Variants in ZNF141 observed in about 807,000 individuals in gnomAD.
The protein encoded by ZNF141 is zinc finger protein 141 (clone pHZ-44).
Under a neutral mutation model 11.3 loss-of-function variants are expected in ZNF141, and 7 were observed. That is an observed-to-expected ratio of 0.62 (90% CI 0.35 to 1.16). The LOEUF (loss-of-function observed/expected upper bound fraction) is 1.16. Among genes scored for constraint, ZNF141 ranks in the 50% most tolerant of loss-of-function variants. The pLI is 0.02. For missense variants in ZNF141, 535 were observed against 554.0 expected (o/e 0.97, Z 0.34); for synonymous variants, 183 against 190.7 (o/e 0.96, Z 0.33).
intron 3 of ZNF141, among the ~76,000 whole-genome samples, chr4:362,849 T>A (rs1327218643): frequency 1.3e-5 from 2 of 152,234 alleles, no homozygotes; most frequent in African/African-American, 4.8e-5. Context: ...TAGGATTGTC[T>A]TGGCAATGCA....
chr4:353,833 G>A (rs947715157), intron 3 of ZNF141, among the ~76,000 whole-genome samples: 3 of 152,098 alleles, frequency 2.0e-5, no homozygotes, highest in Admixed American at 2.0e-4. Flanking sequence ...CCTCCATAGG[G>A]GACTGAGGAC....
chr4:348,478 C>T (rs1219933499), intron 3 of ZNF141, among the ~76,000 whole-genome samples: 11 of 151,980 alleles, frequency 7.2e-5, no homozygotes, highest in South Asian at 2.1e-4. Context: ...CTTGGGAGGC[C>T]GAGGTGGGCG....
rs78894128 is a variant in ZNF141 at position 338,753 on chromosome 4, C to G, written c.3+767C>G. On this transcript the variant is annotated intron_variant, in intron 1 of 3. Transcript: ENST00000240499. The stretch of plus-strand genomic sequence containing the variant: ...GGGCAGCTGCGGGAAGAGCGCTGAG[C>G]TTGTGGGGTCTGTGCTGACTCCGGG... Among the ~76,000 whole-genome samples, 85 of 152,258 alleles carry G rather than the reference C, an allele frequency of 5.6e-4. No homozygotes were observed. In the East Asian group the frequency reaches 0.015, roughly 26 times the overall value.
chr4:377,570 G>A lies in ZNF141; in HGVS notation c.*3708G>A, dbSNP rs145800431. On this transcript the variant is annotated 3_prime_UTR_variant, in exon 4 of 4. Coordinates refer to ENST00000240499, the MANE Select transcript of ZNF141 (RefSeq NM_003441.4). ...TTTGTCACTGTTCTCTTCATTCCAC[G>A]TAATTTCACGTGGACTTTAGGTTAA... Among the ~76,000 whole-genome samples the A allele has an allele frequency of 0.013, 1,908 of 151,998 alleles. 13 individuals are homozygous for A. The highest frequency in any genetic ancestry group is 0.041 in the Middle Eastern group (12 of 294).
At chr4:366,668 ATATTT>A (rs142773716) in intron 3 of ZNF141, among the ~76,000 whole-genome samples, 26,765 of 151,790 alleles carry the variant, frequency 0.18, 2,912 homozygotes, top group Non-Finnish European at 0.23. Flanking sequence ...GCTGCTAGAC[ATATTT>A]TATTTTATTT....
chr4:357,798 C>G (rs1206239976), intron 3 of ZNF141, among the ~76,000 whole-genome samples: 1 of 151,520 alleles, frequency 6.6e-6, no homozygotes, highest in East Asian at 2.0e-4. Context: ...CTTGCGCCTC[C>G]CGGATTCAAG....
In ZNF141 at chr4:380,331, C is replaced by G. The variant is rs559811121; in HGVS notation, c.*6469C>G. Among the ~76,000 whole-genome samples the G allele has an allele frequency of 1.1e-3, 174 of 152,242 alleles. No homozygotes were observed. The highest frequency in any genetic ancestry group is 4.0e-3 in the African/African-American group (167 of 41,552). On this transcript the variant is annotated 3_prime_UTR_variant, in exon 4 of 4. Coordinates refer to ENST00000240499, the MANE Select transcript of ZNF141 (RefSeq NM_003441.4). ...AGTAATAGTTGATTTCTACCAAATG[C>G]TAACCATAATACTGTATATGTGTTA...
chr4:371,953 C>T (rs1216185189), intron 3 of ZNF141, among the ~76,000 whole-genome samples: 1 of 152,198 alleles, frequency 6.6e-6, no homozygotes, highest in African/African-American at 2.4e-5. Context: ...ACAATCTTTA[C>T]AATGTAGCTT....
In ZNF141 at chr4:373,450, C is replaced by A; in HGVS notation, c.1013C>A (p.Pro338His). 6.2e-7 allele frequency: 1 copy of A among 1,614,042 alleles called. No individual in the cohort carries two copies. The highest frequency in any genetic ancestry group is 8.5e-7 in the Non-Finnish European group (1 of 1,180,002). The change falls in exon 4 of 4, where the codon CCC (proline) becomes CAC (histidine). Residue 338 changes from proline to histidine, a missense_variant. Transcript: ENST00000240499. The part of the protein sequence containing the change: ...KHKRIHTGEK[P>H]YTCEECGKAF... ...AAGAGAATTCATACTGGAGAGAAACCCTACACATGTGAAGAATGTGGCAAA... is the reference window on the plus strand; with the variant it reads ...AAGAGAATTCATACTGGAGAGAAACACTACACATGTGAAGAATGTGGCAAA...
rs1712193730 is a variant in ZNF141 at position 373,541 on chromosome 4, A to T, written c.1104A>T (p.Lys368Asn). ...KKVHTGERPY[K>N]CDECGKAFGR... Reference sequence around the variant, plus strand: ...TTCATACTGGAGAGCGGCCCTACAAATGTGATGAATGTGGCAAAGCCTTTG... The same window carrying T: ...TTCATACTGGAGAGCGGCCCTACAATTGTGATGAATGTGGCAAAGCCTTTG... The change falls in exon 4 of 4, where the codon AAA becomes AAT. Residue 368 changes from lysine to asparagine, a missense_variant. Physicochemically the swap from Lys to Asn is moderately conservative, Grantham distance 94. Coordinates refer to ENST00000240499, the MANE Select transcript of ZNF141 (RefSeq NM_003441.4). 1 of 1,613,754 alleles carries T rather than the reference A, an allele frequency of 6.2e-7. No homozygotes were observed. The highest frequency in any genetic ancestry group is 1.1e-5 in the South Asian group (1 of 91,072).
At position 337,947 on chromosome 4, in the gene ZNF141, G is replaced by C. The variant is rs2108677361; in HGVS notation, c.-37G>C. 6 of 1,612,250 alleles carry C rather than the reference G, an allele frequency of 3.7e-6. No individual in the cohort carries two copies. Among genetic ancestry groups the C allele is most frequent in the Non-Finnish European group, 5.1e-6 (6 of 1,178,810 alleles). ...TGTGACCTGCGGGTATTGGATGATT[G>C]GTAGCTAAGACTCCCGAATACTTCA... On this transcript the variant is annotated 5_prime_UTR_variant, in exon 1 of 4. Transcript: ENST00000240499.
intron 3 of ZNF141, among the ~76,000 whole-genome samples, chr4:361,411 G>A (rs1253879308): frequency 2.7e-5 from 4 of 147,122 alleles, no homozygotes; most frequent in Non-Finnish European, 6.0e-5. Context: ...TTAAGTTCTA[G>A]GGTACATGTG....
chr4:344,390 C>T lies in ZNF141; in HGVS notation c.186C>T (p.Pro62=). The part of the protein sequence containing the change: ...LVTCLEQRKE[P]YNVKIHKIVA... ...CCTGTCTGGAGCAAAGAAAAGAGCC[C>T]TACAATGTGAAGATACATAAGATCG... The change falls in exon 3 of 4, where the codon CCC becomes CCT. Residue 62 remains proline (P), a synonymous_variant. Coordinates refer to ENST00000240499, the MANE Select transcript of ZNF141 (RefSeq NM_003441.4). The T allele has an allele frequency of 1.9e-6, 3 of 1,608,384 alleles. No individual in the cohort carries two copies. Among genetic ancestry groups the T allele is most frequent in the Non-Finnish European group, 2.6e-6 (3 of 1,176,012 alleles).
intron 3 of ZNF141, among the ~76,000 whole-genome samples, chr4:354,445 G>A (rs1434021732): frequency 1.3e-5 from 2 of 152,038 alleles, no homozygotes; most frequent in Non-Finnish European, 2.9e-5. Context: ...TCCTCACATT[G>A]GAAAATAAAG....
rs1304451112 is a variant in ZNF141 at position 377,341 on chromosome 4, T to C, written c.*3479T>C. On this transcript the variant is annotated 3_prime_UTR_variant, in exon 4 of 4. Transcript: ENST00000240499. Reference sequence around the variant, plus strand: ...TAGTTTGTAGCTCCAAGTAAGAGATTGAAAATAATCTGTGGCGAACAAATG... The same window carrying C: ...TAGTTTGTAGCTCCAAGTAAGAGATCGAAAATAATCTGTGGCGAACAAATG... Among the ~76,000 whole-genome samples, 3 of 152,238 alleles carry C rather than the reference T, an allele frequency of 2.0e-5. No homozygotes were observed. Among genetic ancestry groups the C allele is most frequent in the African/African-American group, 7.2e-5 (3 of 41,466 alleles).
At chr4:364,822 A>C (rs1711658427) in intron 3 of ZNF141, among the ~76,000 whole-genome samples, 1 of 152,170 alleles carries the variant, frequency 6.6e-6, no homozygotes, top group South Asian at 2.1e-4. Flanking sequence ...GCCCATTCTC[A>C]GATCTCAAAC....
chr4:357,962 G>A (rs948577345), intron 3 of ZNF141, among the ~76,000 whole-genome samples: 1 of 151,226 alleles, frequency 6.6e-6, no homozygotes, highest in African/African-American at 2.4e-5. Context: ...TTCGTGATTC[G>A]CCCGCCTCAG....
At position 382,396 on chromosome 4, in the gene ZNF141, A is replaced by G. The variant is rs573162137; in HGVS notation, c.*8534A>G. Among the ~76,000 whole-genome samples the G allele has an allele frequency of 1.3e-5, 2 of 152,294 alleles. No homozygotes were observed. Among genetic ancestry groups the G allele is most frequent in the East Asian group, 1.9e-4 (1 of 5,178 alleles). On this transcript the variant is annotated 3_prime_UTR_variant, in exon 4 of 4. Coordinates refer to ENST00000240499, the MANE Select transcript of ZNF141 (RefSeq NM_003441.4). ...AAAAAATAGCAGCAGCCCTATTGCT[A>G]TGTCACTTGCCTGCAGAGCAAAAGT...
chr4:345,719 A>T (rs1721289066), intron 3 of ZNF141, among the ~76,000 whole-genome samples: 2 of 133,796 alleles, frequency 1.5e-5, no homozygotes, highest in African/African-American at 6.3e-5. Flanking sequence ...CAAGAGTGAA[A>T]CTCTGTCTCC....
Sources: allele counts gnomAD v4.1 joint callset (sites outside exome capture counted in the v4.1 genomes callset), GRCh38; gene constraint gnomAD v4.1.1; transcripts MANE v1.5; gene names NCBI Gene and HGNC (gene_info 2026-07-23, HGNC 2026-07-21).